The following SLC25A28 variants were observed in gnomAD, a reference collection of about 807,000 sequenced individuals.
SLC25A28 encodes solute carrier family 25 member 28, also known as mitoferrin-2.
SLC25A28 carries 10 observed loss-of-function variants against 31.9 expected under a neutral mutation model. That is an observed-to-expected ratio of 0.31 (90% confidence interval 0.19 to 0.53). The LOEUF is 0.53. SLC25A28 is among the 20% of genes least tolerant of loss of function. The pLI is 0.95. For synonymous variants in SLC25A28, 208 were observed against 203.6 expected (o/e 1.02, Z -0.19); for missense variants, 256 against 490.3 (o/e 0.52, Z 4.51).
the SLC25A28 span, among the ~76,000 whole-genome samples, chr10:99,658,408 A>G: frequency 4.6e-5 from 7 of 152,180 alleles, no homozygotes; most frequent in Non-Finnish European, 5.9e-5. Context: ...GAATATGTGG[A>G]AGCAAATAGT....
chr10:99,618,504 C>T, intron 1 of SLC25A28: 1 of 985,392 alleles, frequency 1.0e-6, no homozygotes, highest in Non-Finnish European at 1.2e-6. Context: ...ATTATTAACT[C>T]ACAAGTCATT....
chr10:99,621,493 G>A (rs1037334746), upstream of SLC25A28: 7 of 152,354 alleles, frequency 4.6e-5, no homozygotes, highest in Non-Finnish European at 7.3e-5. Context: ...CGAGTCTGAA[G>A]CATCAGTATT....
the SLC25A28 span, among the ~76,000 whole-genome samples, chr10:99,647,944 G>A: frequency 2.6e-5 from 4 of 151,744 alleles, no homozygotes; most frequent in African/African-American, 7.3e-5. Flanking sequence ...TGTTGAGCTT[G>A]TCAAAGGTCA....
At chr10:99,623,917 A>G (rs2034835406), upstream of SLC25A28, among the ~76,000 whole-genome samples, 1 of 152,200 alleles carries the variant, frequency 6.6e-6, no homozygotes, top group Admixed American at 6.5e-5. Flanking sequence ...ATTATTCCAC[A>G]CCATAGCATA....
At chr10:99,617,976 C>T (rs549493213) in intron 1 of SLC25A28, among the ~76,000 whole-genome samples, 2 of 152,330 alleles carry the variant, frequency 1.3e-5, no homozygotes, top group South Asian at 2.1e-4. Context: ...GTTTCCTCAA[C>T]GGGTTTATAG....
chr10:99,633,317 G>A, the SLC25A28 span, among the ~76,000 whole-genome samples: 1 of 152,062 alleles, frequency 6.6e-6, no homozygotes, highest in African/African-American at 2.4e-5. Context: ...TTTCTTCATT[G>A]CCTTCTTTTA....
At chr10:99,624,560 C>T (rs2034850166), upstream of SLC25A28, among the ~76,000 whole-genome samples, 1 of 152,196 alleles carries the variant, frequency 6.6e-6, no homozygotes, top group South Asian at 2.1e-4. Flanking sequence ...GCAGGCCAGG[C>T]ACGGTGGCTC....
chr10:99,624,796 C>G (rs1475567053), upstream of SLC25A28, among the ~76,000 whole-genome samples: 1 of 152,106 alleles, frequency 6.6e-6, no homozygotes, highest in Admixed American at 6.5e-5. Context: ...GATTGGGCCA[C>G]TGCACTCCAG....
the SLC25A28 span, among the ~76,000 whole-genome samples, chr10:99,636,104 A>G: frequency 6.6e-6 from 1 of 152,216 alleles, no homozygotes; most frequent in East Asian, 1.9e-4. Flanking sequence ...GATTTAAACT[A>G]TACCTTGGAA....
chr10:99,617,319 C>T (rs1327464584), intron 1 of SLC25A28: 9 of 985,330 alleles, frequency 9.1e-6, no homozygotes, highest in Non-Finnish European at 9.6e-6. Context: ...AGCAAGGCTA[C>T]ACTGACTTCT....
chr10:99,631,885 T>A, the SLC25A28 span, among the ~76,000 whole-genome samples: 3 of 97,532 alleles, frequency 3.1e-5, no homozygotes, highest in Non-Finnish European at 6.5e-5. Context: ...GTTATTTTTT[T>A]TTTTTATTTT....
rs1219221729 is a variant in SLC25A28 at position 99,613,332 on chromosome 10, C to T, written c.520+364G>A. 7 of 1,094,630 alleles carry T rather than the reference C, an allele frequency of 6.4e-6. No individual in the cohort carries two copies. The highest frequency in any genetic ancestry group is 3.3e-5 in the African/African-American group (2 of 60,706). 67.8% of individuals were successfully genotyped at this position (1,094,630 alleles called of 1,614,324 possible). A position where few individuals can be genotyped will look rare whatever the true frequency, so the allele number is the denominator to read the frequency against. ...ATCTTCCTTGGGTGGCTGGCTGGGT[C>T]GCCTCCAATCCTGCCCTAAGGAGCA... On this transcript the variant is annotated intron_variant, in intron 2 of 3. Transcript: ENST00000370495. The surrounding 1 kb of genome is among the most constrained non-coding windows in gnomAD (Gnocchi z 4.9).
chr10:99,642,214 C>T, the SLC25A28 span, among the ~76,000 whole-genome samples: 1 of 152,158 alleles, frequency 6.6e-6, no homozygotes, highest in Non-Finnish European at 1.5e-5. Flanking sequence ...GAATGTTCTT[C>T]CATTTGTTTG....
the SLC25A28 span, among the ~76,000 whole-genome samples, chr10:99,639,878 C>G: frequency 6.6e-6 from 1 of 152,138 alleles, no homozygotes; most frequent in Non-Finnish European, 1.5e-5. Context: ...TCACTTACTT[C>G]ATGACTTACT....
chr10:99,612,948 A>C (rs368506872), intron 2 of SLC25A28, among the ~76,000 whole-genome samples: 31 of 152,208 alleles, frequency 2.0e-4, no homozygotes, highest in African/African-American at 7.5e-4. Flanking sequence ...CCACCAGTGG[A>C]GGGAGATACG....
At chr10:99,644,127 C>T in the SLC25A28 span, among the ~76,000 whole-genome samples, 1 of 152,120 alleles carries the variant, frequency 6.6e-6, no homozygotes, top group Non-Finnish European at 1.5e-5. Flanking sequence ...TCCTTGTTAA[C>T]TTTCTGTCTC....
At chr10:99,652,971 A>G in the SLC25A28 span, among the ~76,000 whole-genome samples, 9 of 152,200 alleles carry the variant, frequency 5.9e-5, no homozygotes, top group African/African-American at 2.2e-4. Context: ...GAGGATTATA[A>G]CATAGCACAA....
chr10:99,657,557 C>A, the SLC25A28 span, among the ~76,000 whole-genome samples: 1 of 151,908 alleles, frequency 6.6e-6, no homozygotes, highest in Non-Finnish European at 1.5e-5. Context: ...GGAAGTTCAA[C>A]AAGGTTAGGA....
chr10:99,611,088 T>A lies in SLC25A28; in HGVS notation c.856A>T (p.Lys286Ter). The A allele has an allele frequency of 6.2e-7, 1 of 1,614,230 alleles. No individual in the cohort carries two copies. The highest frequency in any genetic ancestry group is 8.5e-7 in the Non-Finnish European group (1 of 1,180,042). The change falls in exon 4 of 4, where the codon AAA becomes TAA. Residue 286 changes from lysine (K) to a stop codon, truncating the protein, a stop_gained. Coordinates refer to ENST00000370495, the MANE Select transcript of SLC25A28 (RefSeq NM_031212.4). LOFTEE classifies it high-confidence loss of function. The surrounding 1 kb of genome is among the most constrained non-coding windows in gnomAD (Gnocchi z 5.5). ...AAATTPLDVC[K>*]TLLNTQESLA... ...GACTCCTGGGTGTTGAGCAGTGTTT[T>A]GCAAACGTCCAGTGGGGTTGTGGCT...
Sources: gnomAD v4.1 joint callset for allele counts (sites outside exome capture counted in the v4.1 genomes callset) on GRCh38, gnomAD v4.1.1 for gene constraint, Gnocchi (gnomAD v3.1) non-coding constraint, MANE v1.5 for transcripts, NCBI Gene and HGNC (gene_info 2026-07-23, HGNC 2026-07-21) for gene names.